HERC1: variants seen among roughly 807,000 people sequenced by gnomAD.
HERC1 encodes probable E3 ubiquitin-protein ligase HERC1.
Under a neutral mutation model 554.3 loss-of-function variants are expected in HERC1, and 160 were observed. That is an observed-to-expected ratio of 0.29 (90% CI 0.25 to 0.33). The LOEUF (loss-of-function observed/expected upper bound fraction) is 0.33, where lower values mean the gene tolerates loss of function less well. Ranked by LOEUF, HERC1 falls within the 10% of genes least tolerant of loss-of-function variation. The pLI, the probability that HERC1 is intolerant of heterozygous loss-of-function variation, is 1.00. For missense variants in HERC1, 4,919 were observed against 5,918.5 expected, an observed-to-expected ratio of 0.83 and a Z score of 5.54; for synonymous variants, 2,175 against 2,131.7, an observed-to-expected ratio of 1.02 and a Z score of -0.56.
chr15:63,658,739 TTG>T, intron 47 of HERC1, 21 bp from the exon 48 acceptor site: 1 of 1,594,724 alleles, frequency 6.3e-7, no homozygotes, highest in Non-Finnish European at 8.6e-7. Flanking sequence ...TAATTCTGTT[TTG>T]TTCTCAACAA....
chr15:63,787,730 A>G (rs1359188959), intron 1 of HERC1, among the ~76,000 whole-genome samples: 1 of 152,046 alleles, frequency 6.6e-6, no homozygotes, highest in African/African-American at 2.4e-5. Context: ...ACTCCTGGAT[A>G]ATACAGCAAG....
At chr15:63,745,953 T>C (rs1045854680) in intron 12 of HERC1, among the ~76,000 whole-genome samples, 1 of 152,196 alleles carries the variant, frequency 6.6e-6, no homozygotes, top group African/African-American at 2.4e-5. Flanking sequence ...CAGAGGTTTG[T>C]TGATTTTGTC....
At chr15:63,654,595 G>C (rs1485999266) in intron 50 of HERC1, among the ~76,000 whole-genome samples, 1 of 152,078 alleles carries the variant, frequency 6.6e-6, no homozygotes, top group Non-Finnish European at 1.5e-5. Flanking sequence ...GCTCACGCCT[G>C]TAATCCCAGT....
In HERC1 at chr15:63,674,815, T is replaced by A; in HGVS notation, c.7373A>T (p.Lys2458Ile). The A allele has an allele frequency of 1.2e-6, 2 of 1,613,918 alleles. No individual in the cohort carries two copies. Among genetic ancestry groups the A allele is most frequent in the South Asian group, 2.2e-5 (2 of 91,052 alleles). The change falls in exon 38 of 78, where the codon AAA becomes ATA. Residue 2458 changes from lysine to isoleucine, a missense_variant. Lys to Ile is a moderately radical substitution (Grantham distance 102). Around this residue, in one of 11 missense-constraint regions of HERC1, gnomAD observed 1,963 missense variants for 2,228.6 expected, o/e 0.88. Transcript: ENST00000443617. The stretch of plus-strand genomic sequence containing the variant: ...AAATGAAGCGATTTCATTTTCTGAT[T>A]TGGAGCTTGTGGTACTCTGACTTTT... ...DVKSQSTTSSKSENEIASFSL... is the reference protein window; with the variant it reads ...DVKSQSTTSSISENEIASFSL...
chr15:63,797,661 T>C (rs2076853422), intron 1 of HERC1, among the ~76,000 whole-genome samples: 1 of 152,242 alleles, frequency 6.6e-6, no homozygotes, highest in Admixed American at 6.5e-5. Context: ...GTCTCATGCA[T>C]GGCATGGCCA....
chr15:63,625,388 T>C (rs913427373), intron 71 of HERC1, among the ~76,000 whole-genome samples: 3 of 152,118 alleles, frequency 2.0e-5, no homozygotes, highest in African/African-American at 7.2e-5. Context: ...CTGGTAGAAG[T>C]GGCTGGCAGA....
intron 25 of HERC1, among the ~76,000 whole-genome samples, chr15:63,699,247 T>TA: frequency 6.6e-6 from 1 of 152,150 alleles, no homozygotes; most frequent in East Asian, 1.9e-4. Context: ...GTAAGCGCTT[T>TA]AGCAACACGC....
intron 25 of HERC1, among the ~76,000 whole-genome samples, chr15:63,703,400 G>A: frequency 6.6e-6 from 1 of 152,228 alleles, no homozygotes; most frequent in East Asian, 1.9e-4. Flanking sequence ...CTGAAAATGT[G>A]TATACACCCA....
chr15:63,653,830 C>T (rs192859547), intron 51 of HERC1, among the ~76,000 whole-genome samples: 1 of 152,302 alleles, frequency 6.6e-6, no homozygotes, highest in Non-Finnish European at 1.5e-5. Context: ...CCCACGGATA[C>T]AGAGGATCAA....
At position 63,733,113 on chromosome 15, in the gene HERC1, CA is replaced by C; in HGVS notation, c.2678del (p.Leu893CysfsTer7). On this transcript the variant is annotated frameshift_variant, in exon 14 of 78. Transcript: ENST00000443617. LOFTEE classifies it high-confidence loss of function. ...GGGAGGCTACGTGGGTATGATCTTG[CA>C]AACTTGTCAGGATGATATCCAGTTG... ...RMQLDIILTSLQDHTHVASLL... is the reference protein window; with the variant it reads ...RMQLDIILTSXQDHTHVASLL... The C allele has an allele frequency of 6.2e-7, 1 of 1,613,578 alleles. No individual in the cohort carries two copies.
Position 63,684,315 on chromosome 15 carries a change from G to C in HERC1, c.6225+2044C>G, listed in dbSNP as rs1303792845. On this transcript the variant is annotated intron_variant, in intron 34 of 77. Transcript: ENST00000443617. ...AGTTTACTAAATAAAACTGTTCCCA[G>C]AAAGAAACTGATCTTTTCCAGACTG... Among the ~76,000 whole-genome samples the C allele has an allele frequency of 3.9e-5, 6 of 152,254 alleles. No individual in the cohort carries two copies. In the East Asian group the frequency reaches 1.2e-3, roughly 29 times the overall value.
At position 63,649,767 on chromosome 15, in the gene HERC1, T is replaced by C. The variant is rs2069575034; in HGVS notation, c.10705A>G (p.Thr3569Ala). ...LGLIEVVDVS[T>A]MHRRELEHCY... ...TGCTCCAATTCTCGACGGTGCATGGTGGACACATCAACAACTTCAATCAGT... is the reference window on the plus strand; with the variant it reads ...TGCTCCAATTCTCGACGGTGCATGGCGGACACATCAACAACTTCAATCAGT... The change falls in exon 54 of 78, where the codon ACC becomes GCC. Residue 3569 changes from threonine (T) to alanine (A), a missense_variant. By Grantham distance (58) the Thr-to-Ala change is moderately conservative. Around this residue, in one of 11 missense-constraint regions of HERC1, gnomAD observed 1,963 missense variants for 2,228.6 expected, o/e 0.88. Transcript: ENST00000443617. 3 of 1,613,804 alleles carry C rather than the reference T, an allele frequency of 1.9e-6. No individual in the cohort carries two copies. Among genetic ancestry groups the C allele is most frequent in the Non-Finnish European group, 2.5e-6 (3 of 1,179,828 alleles).
chr15:63,614,095 A>C (rs894572670), intron 76 of HERC1, among the ~76,000 whole-genome samples: 84 of 152,208 alleles, frequency 5.5e-4, no homozygotes, highest in African/African-American at 2.0e-3. Flanking sequence ...TAAGAGATGA[A>C]GAGGAACCAA....
At chr15:63,805,748 A>C (rs559372073) in intron 1 of HERC1, among the ~76,000 whole-genome samples, 1 of 152,110 alleles carries the variant, frequency 6.6e-6, no homozygotes, top group East Asian at 1.9e-4. Context: ...GCAGTTCAAG[A>C]CCACCCTGGG....
At chr15:63,657,341 C>T (rs1337456742) in intron 48 of HERC1, among the ~76,000 whole-genome samples, 3 of 151,048 alleles carry the variant, frequency 2.0e-5, no homozygotes, top group Non-Finnish European at 4.4e-5. Context: ...GGGTTCTTCC[C>T]GTCTTGGCCT....
At chr15:63,659,055 C>T (rs2070207650) in intron 47 of HERC1, among the ~76,000 whole-genome samples, 1 of 152,164 alleles carries the variant, frequency 6.6e-6, no homozygotes, top group Non-Finnish European at 1.5e-5. Context: ...GACTGAATTA[C>T]CAATACTGCC....
chr15:63,723,442 G>A, intron 18 of HERC1, 87 bp from the exon 19 acceptor site: 1 of 949,232 alleles, frequency 1.1e-6, no homozygotes, highest in Non-Finnish European at 1.5e-6. Context: ...TAATGATTAT[G>A]AAATGATAAA....
chr15:63,645,420 A>C lies in HERC1; in HGVS notation c.11078+63T>G, dbSNP rs1595884195. On this transcript the variant is annotated intron_variant, in intron 56 of 77. Coordinates refer to ENST00000443617, the MANE Select transcript of HERC1 (RefSeq NM_003922.4). The stretch of plus-strand genomic sequence containing the variant: ...TAAGACTACTGAGAAGCCACACTTA[A>C]TGCAGATAACAGTCTATACCAATAT... 4.9e-6 allele frequency: 6 copies of C among 1,223,542 alleles called. No individual in the cohort carries two copies. In the East Asian group the frequency reaches 7.2e-5, roughly 15 times the overall value. The allele number at this position is 1,223,542 out of a possible 1,614,324, so 75.8% of individuals were successfully genotyped here.
intron 1 of HERC1, among the ~76,000 whole-genome samples, chr15:63,827,082 T>C (rs974322062): frequency 4.0e-5 from 6 of 151,818 alleles, no homozygotes; most frequent in Admixed American, 2.6e-4. Context: ...CATACATAGA[T>C]GAATGGTTGA....
Sources: gnomAD v4.1 joint callset for allele counts (sites outside exome capture counted in the v4.1 genomes callset) on GRCh38, gnomAD v4.1.1 for gene constraint, gnomAD v4.1.1 regional missense constraint, MANE v1.5 for transcripts, NCBI Gene and HGNC (gene_info 2026-07-23, HGNC 2026-07-21) for gene names.